RELCH: variants seen among roughly 807,000 people sequenced by gnomAD.
The protein encoded by RELCH is RAB11-binding protein RELCH.
RELCH carries 41 observed loss-of-function variants against 150.3 expected under a neutral mutation model. That is an observed-to-expected ratio of 0.27 (90% CI 0.21 to 0.35). The LOEUF (loss-of-function observed/expected upper bound fraction) is 0.35. Among genes scored for constraint, RELCH ranks in the 10% least tolerant of loss-of-function variants. The pLI is 1.00. For missense variants in RELCH, 1,092 were observed against 1,467.8 expected (o/e 0.74, Z 4.18); for synonymous variants, 478 against 531.8 (o/e 0.90, Z 1.39).
chr18:62,243,821 CTT>C (rs1233333090), intron 10 of RELCH, among the ~76,000 whole-genome samples: 1 of 152,010 alleles, frequency 6.6e-6, no homozygotes, highest in Admixed American at 6.6e-5. Flanking sequence ...TTTTAAATCT[CTT>C]AACAGTTTTC....
intron 2 of RELCH, among the ~76,000 whole-genome samples, chr18:62,217,475 A>G (rs944783050): frequency 2.0e-5 from 3 of 152,092 alleles, no homozygotes; most frequent in East Asian, 3.9e-4. Flanking sequence ...AGGGCAAGGA[A>G]TAAGTGAATA....
In RELCH at chr18:62,282,430, G is replaced by A. The variant is rs1568429991; in HGVS notation, c.3239G>A (p.Arg1080Lys). 1.9e-6 allele frequency: 3 copies of A among 1,612,374 alleles called. No homozygotes were observed. Among genetic ancestry groups the A allele is most frequent in the Non-Finnish European group, 1.7e-6 (2 of 1,179,484 alleles). The change falls in exon 25 of 29, where the codon AGG (arginine) becomes AAG (lysine). Residue 1080 changes from arginine to lysine, a missense_variant. Coordinates refer to ENST00000644646, the MANE Select transcript of RELCH (RefSeq NM_001346231.2). ...FGRVGPNAEPRFRDEFVIPHL... is the reference protein window; with the variant it reads ...FGRVGPNAEPKFRDEFVIPHL... ...AGAGTTGGCCCTAACGCAGAACCCA[G>A]GTTCCGAGATGAGTGTAAGTTGCAT... is the stretch of plus-strand genomic sequence containing the variant.
At chr18:62,264,490 G>A (rs2043446539) in intron 17 of RELCH, among the ~76,000 whole-genome samples, 1 of 152,012 alleles carries the variant, frequency 6.6e-6, no homozygotes, top group Admixed American at 6.6e-5. Flanking sequence ...CATTAACTCT[G>A]TACTCGGAAT....
At chr18:62,250,383 A>G (rs997441637) in intron 11 of RELCH, among the ~76,000 whole-genome samples, 1 of 152,210 alleles carries the variant, frequency 6.6e-6, no homozygotes, top group Admixed American at 6.5e-5. Context: ...TTTAGCTATT[A>G]CAATTATCAA....
chr18:62,265,570 T>C (rs1313498351), intron 18 of RELCH, among the ~76,000 whole-genome samples: 1 of 152,078 alleles, frequency 6.6e-6, no homozygotes, highest in Non-Finnish European at 1.5e-5. Flanking sequence ...AGCATTTTAA[T>C]TATTAAATTT....
At chr18:62,221,901 A>G (rs926810159) in intron 5 of RELCH, among the ~76,000 whole-genome samples, 3 of 152,004 alleles carry the variant, frequency 2.0e-5, no homozygotes, top group Non-Finnish European at 4.4e-5. Flanking sequence ...ATATGACAGT[A>G]TTTAAGAGAG....
At chr18:62,210,495 C>G (rs766333931) in intron 1 of RELCH, among the ~76,000 whole-genome samples, 4 of 152,182 alleles carry the variant, frequency 2.6e-5, no homozygotes, top group East Asian at 1.9e-4. Flanking sequence ...CTGTACAAGG[C>G]ATTTTTAATT....
chr18:62,248,620 G>A (rs1026863866), intron 11 of RELCH, among the ~76,000 whole-genome samples: 4 of 151,972 alleles, frequency 2.6e-5, no homozygotes, highest in Admixed American at 2.6e-4. Flanking sequence ...TTTTCCCACA[G>A]ATGAACTAGA....
rs1215056898 is a variant in RELCH at position 62,187,758 on chromosome 18, A to G, written c.253A>G (p.Thr85Ala). ...GGCGGCTGCAGTGGCCCTGGGGGGC[A>G]CCGGGGAGACCCCGGCCCGATTATC... ...ASAAAVALGG[T>A]GETPARLSID... Residue 85 changes from threonine (T) to alanine (A), a missense_variant, in exon 1 of 29, where the codon ACC (threonine) becomes GCC (alanine). Physicochemically the swap from Thr to Ala is moderately conservative, Grantham distance 58. Coordinates refer to ENST00000644646, the MANE Select transcript of RELCH (RefSeq NM_001346231.2). 6.2e-7 allele frequency: 1 copy of G among 1,611,248 alleles called. No homozygotes were observed. Among genetic ancestry groups the G allele is most frequent in the Admixed American group, 1.7e-5 (1 of 59,462 alleles).
At chr18:62,258,455 GTTTTA>G (rs1568391336) in intron 14 of RELCH, 52 bp from the exon 15 acceptor site, 4 of 1,408,062 alleles carry the variant, frequency 2.8e-6, no homozygotes, top group South Asian at 2.5e-5. Flanking sequence ...TTTATTAAGT[GTTTTA>G]TTTTAAGTTT....
intron 5 of RELCH, among the ~76,000 whole-genome samples, chr18:62,222,630 T>C (rs1277732845): frequency 2.6e-5 from 4 of 151,944 alleles, no homozygotes; most frequent in Non-Finnish European, 5.9e-5. Flanking sequence ...AAATTAGAGA[T>C]GTCAACAATG....
At chr18:62,260,193 C>CAAAAAACAAAA (rs1555739782) in intron 15 of RELCH, among the ~76,000 whole-genome samples, 3 of 95,810 alleles carry the variant, frequency 3.1e-5, no homozygotes, top group Non-Finnish European at 6.1e-5. Context: ...AACTCAACAG[C>CAAAAAACAAAA]AAAAAAAAAA....
At chr18:62,255,511 T>C (rs2042951788) in intron 13 of RELCH, 33 bp downstream of exon 13, 3 of 1,492,370 alleles carry the variant, frequency 2.0e-6, no homozygotes, top group Non-Finnish European at 2.7e-6. Context: ...CTTTAAACTA[T>C]TTTTCCAATA....
rs868608194 is a variant in RELCH, at chr18:62,305,630, T to C, written c.*96T>C. 3 of 1,292,644 alleles carry C rather than the reference T, an allele frequency of 2.3e-6. No homozygotes were observed. The highest frequency in any genetic ancestry group is 1.1e-6 in the Non-Finnish European group (1 of 944,292). The allele number at this position is 1,292,644 out of a possible 1,614,324, so 80.1% of individuals were successfully genotyped here. A position where few individuals can be genotyped will look rare whatever the true frequency, so the allele number is the denominator to read the frequency against. ...CTTGCCTTTTTTGTTTCCTCAGTTT[T>C]ATGTTCTTGCATTATAATTTTATCC... On this transcript the variant is annotated 3_prime_UTR_variant, in exon 29 of 29. Coordinates refer to ENST00000644646, the MANE Select transcript of RELCH (RefSeq NM_001346231.2). The surrounding 1 kb of genome is among the most constrained non-coding windows in gnomAD (Gnocchi z 4.0).
At chr18:62,263,837 C>CTTAATTAGTGTATTTCAATTTTATAT (rs1568400363) in intron 16 of RELCH, 152 bp from the exon 17 acceptor site, 2 of 532,858 alleles carry the variant, frequency 3.8e-6, no homozygotes, top group Non-Finnish European at 6.4e-6. Context: ...CTAAAAATGA[C>CTTAATTAGTGTATTTCAATTTTATAT]TTAATTAGTG....
chr18:62,239,330 CT>C lies in RELCH; in HGVS notation c.1621-5421del, dbSNP rs1210862068. ...TAAAACTTTTACAGAGGTGAGTAATCTTTTTTTTTTTTTCTTATGTGAGTCT... is the reference window on the plus strand; with the variant it reads ...TAAAACTTTTACAGAGGTGAGTAATCTTTTTTTTTTTTCTTATGTGAGTCT... On this transcript the variant is annotated intron_variant, in intron 10 of 28. Transcript: ENST00000644646. 6.4e-3 allele frequency among the ~76,000 whole-genome samples: 912 copies of C among 142,736 alleles called. 4 individuals carry two copies. Among genetic ancestry groups the C allele is most frequent in the African/African-American group, 0.011 (439 of 39,198 alleles). 93.6% of individuals were successfully genotyped at this position (142,736 alleles called of 152,430 possible).
At chr18:62,270,050 G>A (rs970654240) in intron 20 of RELCH, among the ~76,000 whole-genome samples, 2 of 152,090 alleles carry the variant, frequency 1.3e-5, no homozygotes, top group African/African-American at 4.8e-5. Context: ...CTCCTCTTCT[G>A]CTGTTTTTGC....
At position 62,305,902 on chromosome 18, in the gene RELCH, G is replaced by A. The variant is rs1405490022; in HGVS notation, c.*368G>A. On this transcript the variant is annotated 3_prime_UTR_variant, in exon 29 of 29. Transcript: ENST00000644646. The surrounding 1 kb of genome is among the most constrained non-coding windows in gnomAD (Gnocchi z 4.0). ...CTATTACAATGGTACTTAAAATAAT[G>A]TAAATTTGAAGTCATTGTTATAAAA... The A allele has an allele frequency of 1.3e-5, 2 of 152,670 alleles. No individual in the cohort carries two copies. The highest frequency in any genetic ancestry group is 2.9e-5 in the Non-Finnish European group (2 of 68,186). The allele number at this position is 152,670 out of a possible 1,614,324, so 9.5% of individuals were successfully genotyped here.
intron 25 of RELCH, 39 bp downstream of exon 25, chr18:62,282,483 G>T: frequency 6.2e-6 from 10 of 1,602,404 alleles, no homozygotes; most frequent in Non-Finnish European, 8.5e-6. Context: ...GAATTGTAAT[G>T]TAAGATCAAA....
Sources: allele counts gnomAD v4.1 joint callset (sites outside exome capture counted in the v4.1 genomes callset), GRCh38; gene constraint gnomAD v4.1.1; non-coding constraint Gnocchi (gnomAD v3.1); transcripts MANE v1.5; gene names NCBI Gene and HGNC (gene_info 2026-07-23, HGNC 2026-07-21).